Variants in HMGN5 observed in about 807,000 individuals in gnomAD.
HMGN5 encodes high mobility group nucleosome-binding domain-containing protein 5.
Under a neutral mutation model 9.5 loss-of-function variants are expected in HMGN5, and 4 were observed. The ratio of observed to expected loss-of-function variants is 0.42; its 90% CI spans 0.21 to 0.96. The LOEUF (loss-of-function observed/expected upper bound fraction) is 0.96. Among genes scored for constraint, HMGN5 ranks in the 40% least tolerant of loss-of-function variants. The pLI, the probability that HMGN5 is intolerant of heterozygous loss-of-function variation, is 0.30. For synonymous variants in HMGN5, 55 were observed against 57.1 expected (o/e 0.96, Z 0.16); for missense variants, 192 against 187.5 (o/e 1.02, Z -0.14).
intron 1 of HMGN5, among the ~76,000 whole-genome samples, chrX:81,169,947 G>A (rs1602576004): frequency 1.9e-5 from 2 of 106,960 alleles, no homozygotes; most frequent in African/African-American, 6.8e-5. Context: ...CTAGCTACTC[G>A]AGAGGCTGAG....
At chrX:81,173,701 G>A (rs914993080) in intron 1 of HMGN5, among the ~76,000 whole-genome samples, 1 of 110,473 alleles carries the variant, frequency 9.1e-6, no homozygotes, top group African/African-American at 3.3e-5. Flanking sequence ...GTTTCTTATT[G>A]GTAATTCCTA....
chrX:81,160,988 A>G (rs944057129), intron 1 of HMGN5, among the ~76,000 whole-genome samples: 1 of 111,023 alleles, frequency 9.0e-6, no homozygotes, highest in African/African-American at 3.3e-5. Context: ...GTTGATAGAC[A>G]ATTATAAAAT....
At chrX:81,152,729 A>G (rs1468569274) in intron 1 of HMGN5, among the ~76,000 whole-genome samples, 18 of 109,832 alleles carry the variant, frequency 1.6e-4, no homozygotes, top group African/African-American at 6.0e-4. Context: ...ACAATAGCAA[A>G]GACTTGGAAC....
chrX:81,116,067 T>C, intron 6 of HMGN5, 137 bp downstream of exon 6: 1 of 413,771 alleles, frequency 2.4e-6, no homozygotes, highest in Non-Finnish European at 4.1e-6. Flanking sequence ...ATTTTCCTCT[T>C]AGATACCATT....
intron 1 of HMGN5, among the ~76,000 whole-genome samples, chrX:81,128,037 CAT>C (rs770451660): frequency 8.1e-5 from 9 of 111,116 alleles, no homozygotes; most frequent in South Asian, 3.7e-4. Flanking sequence ...TTGGAGGCAT[CAT>C]ATATATGTGT....
At position 81,155,316 on chromosome X, in the gene HMGN5, G is replaced by A. The variant is rs759967503; in HGVS notation, c.-123-33644C>T. Among the ~76,000 whole-genome samples the A allele has an allele frequency of 6.7e-5, 7 of 104,192 alleles. No homozygotes were observed. The South Asian group carries it at 2.9e-3, about 43-fold the overall frequency. 90.5% of individuals were successfully genotyped at this position (104,192 alleles called of 115,157 possible). A position where few individuals can be genotyped will look rare whatever the true frequency, so the allele number is the denominator to read the frequency against. On this transcript the variant is annotated intron_variant, in intron 1 of 6. Coordinates refer to ENST00000358130, the MANE Select transcript of HMGN5 (RefSeq NM_030763.3). ...TATAAAATATAAATTAGAGATATTAGAAAATTCTGGCAAGAATGTGGAGAA... is the reference window on the plus strand; with the variant it reads ...TATAAAATATAAATTAGAGATATTAAAAAATTCTGGCAAGAATGTGGAGAA...
At chrX:81,135,846 G>A (rs1398588360) in intron 1 of HMGN5, among the ~76,000 whole-genome samples, 1 of 111,152 alleles carries the variant, frequency 9.0e-6, no homozygotes, top group African/African-American at 3.3e-5. Context: ...GTTGAGAGGT[G>A]GGGCCTTTAA....
At position 81,122,972 on chromosome X, in the gene HMGN5, A is replaced by C. The variant is rs953620346; in HGVS notation, c.-123-1300T>G. ...GTGTATAAAAGTGCTCCCAAACAACAACCCAAATCCTTATCCTGGAGGGTT... is the reference window on the plus strand; with the variant it reads ...GTGTATAAAAGTGCTCCCAAACAACCACCCAAATCCTTATCCTGGAGGGTT... On this transcript the variant is annotated intron_variant, in intron 1 of 6. Transcript: ENST00000358130. Among the ~76,000 whole-genome samples, 3 of 111,701 alleles carry C rather than the reference A, an allele frequency of 2.7e-5. No individual in the cohort carries two copies. In the Admixed American group the frequency reaches 2.9e-4, roughly 11 times the overall value.
At chrX:81,129,444 G>A (rs1367813413) in intron 1 of HMGN5, among the ~76,000 whole-genome samples, 2 of 110,033 alleles carry the variant, frequency 1.8e-5, no homozygotes, top group Non-Finnish European at 3.8e-5. Flanking sequence ...TGAATTTTTC[G>A]ACCATATCCT....
chrX:81,175,650 G>A (rs2075439476), intron 1 of HMGN5, among the ~76,000 whole-genome samples: 1 of 110,919 alleles, frequency 9.0e-6, no homozygotes, highest in East Asian at 2.9e-4. Context: ...ATGCCAAGCA[G>A]TCAATCGCCT....
At chrX:81,167,160 T>C (rs1189160386) in intron 1 of HMGN5, among the ~76,000 whole-genome samples, 1 of 110,394 alleles carries the variant, frequency 9.1e-6, no homozygotes, top group Non-Finnish European at 1.9e-5. Context: ...GGGAATTAGG[T>C]TTATTTGGAA....
intron 1 of HMGN5, among the ~76,000 whole-genome samples, chrX:81,181,135 A>G (rs1340937289): frequency 1.8e-5 from 2 of 111,014 alleles, no homozygotes; most frequent in Non-Finnish European, 3.8e-5. Context: ...AACATGGCAC[A>G]TGTATACCTA....
chrX:81,174,830 T>C (rs2075436770), intron 1 of HMGN5, among the ~76,000 whole-genome samples: 1 of 111,654 alleles, frequency 9.0e-6, no homozygotes. Context: ...GCAATGTATT[T>C]TTTTCCTAAG....
At chrX:81,196,446 G>C (rs746309090) in intron 1 of HMGN5, among the ~76,000 whole-genome samples, 142 of 110,964 alleles carry the variant, frequency 1.3e-3, no homozygotes, top group Non-Finnish European at 1.5e-3. Context: ...AGAGAGACCA[G>C]GTGGGAGGTG....
chrX:81,139,071 ATTCTTAT>A (rs1453313191), intron 1 of HMGN5, among the ~76,000 whole-genome samples: 5 of 112,420 alleles, frequency 4.4e-5, no homozygotes, highest in African/African-American at 1.6e-4. Flanking sequence ...ATTTAATGTA[ATTCTTAT>A]TAAAATTTCA....
intron 1 of HMGN5, among the ~76,000 whole-genome samples, chrX:81,151,274 T>C (rs1023038673): frequency 8.9e-6 from 1 of 111,744 alleles, no homozygotes; most frequent in South Asian, 3.7e-4. Context: ...GCGACATTAT[T>C]TCTGAGGGCT....
chrX:81,188,626 C>G (rs895442637), intron 1 of HMGN5, among the ~76,000 whole-genome samples: 2 of 109,567 alleles, frequency 1.8e-5, no homozygotes, highest in Non-Finnish European at 3.8e-5. Flanking sequence ...TCCCTCCCCC[C>G]TCTCCCCACC....
chrX:81,166,366 A>C (rs751593458), intron 1 of HMGN5, among the ~76,000 whole-genome samples: 1 of 111,808 alleles, frequency 8.9e-6, no homozygotes, highest in Non-Finnish European at 1.9e-5. Context: ...TAGTTACTAC[A>C]TATGTATACT....
At chrX:81,175,797 G>T (rs141102563) in intron 1 of HMGN5, among the ~76,000 whole-genome samples, 1 of 111,439 alleles carries the variant, frequency 9.0e-6, no homozygotes, top group African/African-American at 3.3e-5. Flanking sequence ...CCATAATTGT[G>T]AGGCCTCTCC....
Sources: allele counts gnomAD v4.1 joint callset (sites outside exome capture counted in the v4.1 genomes callset), GRCh38; gene constraint gnomAD v4.1.1; transcripts MANE v1.5; gene names NCBI Gene and HGNC (gene_info 2026-07-23, HGNC 2026-07-21).